The following SSH2 variants were observed in gnomAD, a reference collection of about 807,000 sequenced individuals.
SSH2 encodes the protein protein phosphatase Slingshot homolog 2.
In SSH2, 37 loss-of-function variants were observed where a neutral mutation model predicts 135.2. That is an observed-to-expected ratio of 0.27 (90% confidence interval 0.21 to 0.36). The LOEUF is 0.36. SSH2 is among the 10% of genes least tolerant of loss of function. SSH2 has a pLI of 1.00. For synonymous variants in SSH2, 628 were observed against 646.2 expected (o/e 0.97, Z 0.43); for missense variants, 1,408 against 1,765.3 (o/e 0.80, Z 3.63).
chr17:29,842,453 C>CAA (rs372367860), intron 2 of SSH2, among the ~76,000 whole-genome samples: 38 of 117,750 alleles, frequency 3.2e-4, no homozygotes, highest in African/African-American at 1.2e-3. Flanking sequence ...GACTCAGTGT[C>CAA]AAAAAAAAAA....
chr17:29,819,736 C>G (rs1233210182), intron 2 of SSH2, among the ~76,000 whole-genome samples: 1 of 151,998 alleles, frequency 6.6e-6, no homozygotes, highest in Non-Finnish European at 1.5e-5. Flanking sequence ...TCCAATTTTC[C>G]TATGTTTAAG....
intron 3 of SSH2, among the ~76,000 whole-genome samples, chr17:29,723,951 CAA>C (rs2039903757): frequency 6.6e-6 from 1 of 152,156 alleles, no homozygotes; most frequent in South Asian, 2.1e-4. Flanking sequence ...ACCTTCTGGG[CAA>C]ACTGACTACA....
At chr17:29,819,281 G>C (rs531679565) in intron 2 of SSH2, among the ~76,000 whole-genome samples, 1 of 152,244 alleles carries the variant, frequency 6.6e-6, no homozygotes, top group African/African-American at 2.4e-5. Flanking sequence ...CCTGGGGTCA[G>C]TAAACACTTT....
In SSH2 at chr17:29,788,928, C is replaced by T. The variant is rs190876325; in HGVS notation, c.188+4966G>A. ...TTCTTAGAGAATACATAAAGAACCA[C>T]GAACAGAATATTTGTAGAAATATGG... is the stretch of plus-strand genomic sequence containing the variant. On this transcript the variant is annotated intron_variant, in intron 3 of 15. Transcript: ENST00000540801. Among the ~76,000 whole-genome samples the T allele has an allele frequency of 1.1e-3, 162 of 152,258 alleles. 1 individual carries two copies. The highest frequency in any genetic ancestry group is 4.3e-4 in the Non-Finnish European group (29 of 68,020).
intron 11 of SSH2, among the ~76,000 whole-genome samples, chr17:29,662,033 C>T (rs946906858): frequency 6.6e-6 from 1 of 152,154 alleles, no homozygotes; most frequent in African/African-American, 2.4e-5. Context: ...TTCCCCCCCG[C>T]CCATGCTTCA....
intron 1 of SSH2, among the ~76,000 whole-genome samples, chr17:29,872,274 A>G (rs1053053900): frequency 6.6e-6 from 1 of 152,240 alleles, no homozygotes; most frequent in Admixed American, 6.5e-5. Context: ...CTCAGTGGCC[A>G]TAACAGCACA....
chr17:29,738,555 A>C (rs2729455), intron 3 of SSH2, among the ~76,000 whole-genome samples: 62,974 of 145,146 alleles, frequency 0.43, 14,039 homozygotes, highest in Non-Finnish European at 0.48. Flanking sequence ...TTTTTATTTT[A>C]TTTTATTTTT....
At chr17:29,733,700 A>T (rs1359934574) in intron 3 of SSH2, among the ~76,000 whole-genome samples, 1 of 152,208 alleles carries the variant, frequency 6.6e-6, no homozygotes, top group Non-Finnish European at 1.5e-5. Flanking sequence ...CTTCTAAACC[A>T]AAAGTTGTAT....
intron 1 of SSH2, among the ~76,000 whole-genome samples, chr17:29,897,506 A>C (rs148468544): frequency 0.028 from 4,266 of 152,272 alleles, 103 homozygotes; most frequent in Middle Eastern, 0.048. Flanking sequence ...AACAGACTTT[A>C]AACCAACAAA....
chr17:29,718,738 A>AAG (rs1749288116), intron 3 of SSH2, among the ~76,000 whole-genome samples: 1 of 149,888 alleles, frequency 6.7e-6, no homozygotes, highest in Admixed American at 6.6e-5. Flanking sequence ...ACCTCAAAAA[A>AAG]AAAAAAAAAA....
intron 2 of SSH2, among the ~76,000 whole-genome samples, chr17:29,822,949 G>A (rs1404101191): frequency 6.6e-6 from 1 of 152,148 alleles, no homozygotes; most frequent in African/African-American, 2.4e-5. Context: ...GGGAGGGATA[G>A]CAGTGTGCCT....
chr17:29,720,605 G>A (rs2039790316), intron 3 of SSH2, among the ~76,000 whole-genome samples: 1 of 152,054 alleles, frequency 6.6e-6, no homozygotes. Flanking sequence ...TCTTCTTTTC[G>A]TAACTGTTTA....
chr17:29,690,266 G>C (rs540523733), intron 5 of SSH2, among the ~76,000 whole-genome samples: 3 of 151,372 alleles, frequency 2.0e-5, no homozygotes, highest in Non-Finnish European at 4.4e-5. Context: ...TTAGCCAGGC[G>C]TGGTGGCGCA....
intron 3 of SSH2, among the ~76,000 whole-genome samples, chr17:29,792,705 C>G (rs1326104993): frequency 6.6e-6 from 1 of 152,190 alleles, no homozygotes; most frequent in Non-Finnish European, 1.5e-5. Context: ...GAGACGGAGT[C>G]TCGCTCTGTA....
intron 3 of SSH2, among the ~76,000 whole-genome samples, chr17:29,742,488 T>A (rs1325966657): frequency 1.4e-5 from 2 of 145,882 alleles, no homozygotes; most frequent in Non-Finnish European, 3.0e-5. Flanking sequence ...CCAGTTTTTT[T>A]TTTTTTTTTT....
intron 2 of SSH2, among the ~76,000 whole-genome samples, chr17:29,821,357 T>C (rs1447819469): frequency 6.6e-6 from 1 of 151,828 alleles, no homozygotes; most frequent in East Asian, 2.0e-4. Flanking sequence ...ACTCCTGGGC[T>C]CCTCCTGCCT....
intron 3 of SSH2, chr17:29,761,224 G>T: frequency 7.8e-7 from 1 of 1,288,344 alleles, no homozygotes; most frequent in Non-Finnish European, 1.0e-6. Flanking sequence ...CACCGAGGCT[G>T]CAGGTGCAAG....
intron 1 of SSH2, among the ~76,000 whole-genome samples, chr17:29,868,132 C>G (rs1253551464): frequency 6.6e-6 from 1 of 152,186 alleles, no homozygotes; most frequent in African/African-American, 2.4e-5. Context: ...TTTGGAGAAA[C>G]AGTTATACCA....
In SSH2 at chr17:29,901,326, A is replaced by G. The variant is rs138930348; in HGVS notation, c.63+28612T>C. On this transcript the variant is annotated intron_variant, in intron 1 of 15. Transcript: ENST00000540801. ...CTCTCTCAGTAAGATGAAATTTTTT[A>G]CTTAAGAGTTAGATTAGGATAAAAT... 9.2e-5 allele frequency among the ~76,000 whole-genome samples: 14 copies of G among 152,278 alleles called. No homozygotes were observed. The East Asian group carries it at 2.5e-3, about 27-fold the overall frequency.
Sources: gnomAD v4.1 joint callset for allele counts (sites outside exome capture counted in the v4.1 genomes callset) on GRCh38, gnomAD v4.1.1 for gene constraint, MANE v1.5 for transcripts, NCBI Gene and HGNC (gene_info 2026-07-23, HGNC 2026-07-21) for gene names.